NMT1: variants seen among roughly 807,000 people sequenced by gnomAD.
NMT1 encodes the protein glycylpeptide N-tetradecanoyltransferase 1.
NMT1 carries 12 observed loss-of-function variants against 63.4 expected under a neutral mutation model. That is an observed-to-expected ratio of 0.19 (90% CI 0.12 to 0.31). The LOEUF (loss-of-function observed/expected upper bound fraction) is 0.31. Ranked by LOEUF, NMT1 falls within the 10% of genes least tolerant of loss-of-function variation. The pLI, the probability that NMT1 is intolerant of heterozygous loss-of-function variation, is 1.00. For missense variants in NMT1, 432 were observed against 634.6 expected (o/e 0.68, Z 3.43); for synonymous variants, 228 against 234.3 (o/e 0.97, Z 0.25).
chr17:45,078,566 A>C (rs1250078592), intron 1 of NMT1, among the ~76,000 whole-genome samples: 1 of 152,050 alleles, frequency 6.6e-6, no homozygotes, highest in Non-Finnish European at 1.5e-5. Flanking sequence ...GAGACCCTGA[A>C]GTCTTTCTGA....
rs1327777743 is a variant in NMT1, at chr17:45,104,993, G to A, written c.1467G>A (p.Glu489=). The change falls in exon 11 of 12, where the codon GAG becomes GAA. Residue 489 remains glutamate (E), a synonymous_variant. Coordinates refer to ENST00000258960, the MANE Select transcript of NMT1 (RefSeq NM_021079.5). The surrounding 1 kb of genome is among the most constrained non-coding windows in gnomAD (Gnocchi z 4.2). ...YNWKCPSMGA[E]KVGLVLQ ...GGAAATGCCCCAGCATGGGGGCAGA[G>A]AAGGTAGGCGACACATAGCCAGAGT... 6.2e-7 allele frequency: 1 copy of A among 1,614,152 alleles called. No individual in the cohort carries two copies. The highest frequency in any genetic ancestry group is 8.5e-7 in the Non-Finnish European group (1 of 1,180,022).
chr17:45,078,905 C>T (rs879612948), intron 1 of NMT1, among the ~76,000 whole-genome samples: 1 of 151,704 alleles, frequency 6.6e-6, no homozygotes, highest in Non-Finnish European at 1.5e-5. Flanking sequence ...TCAAGTGATC[C>T]GCCTGCCTTT....
chr17:45,096,095 G>T, intron 4 of NMT1, 99 bp from the exon 5 acceptor site: 1 of 905,296 alleles, frequency 1.1e-6, no homozygotes, highest in Non-Finnish European at 1.8e-6. Flanking sequence ...GTTTTTGGTA[G>T]TTTGCTTCAT....
At chr17:45,071,782 A>G (rs2053940749) in intron 1 of NMT1, among the ~76,000 whole-genome samples, 2 of 152,126 alleles carry the variant, frequency 1.3e-5, no homozygotes, top group South Asian at 4.1e-4. Context: ...TACAGTGGCT[A>G]TTCACAAGCG....
At chr17:45,079,084 T>C (rs1419507245) in intron 1 of NMT1, among the ~76,000 whole-genome samples, 1 of 151,784 alleles carries the variant, frequency 6.6e-6, no homozygotes, top group Admixed American at 6.6e-5. Flanking sequence ...ACTTTTCTTT[T>C]TTTCTTTTCT....
At chr17:45,069,207 C>G (rs369150272) in intron 1 of NMT1, among the ~76,000 whole-genome samples, 2 of 149,996 alleles carry the variant, frequency 1.3e-5, no homozygotes, top group African/African-American at 4.9e-5. Flanking sequence ...GATCCATCCT[C>G]CTTGTCCTCC....
chr17:45,076,110 T>C (rs1219442697), intron 1 of NMT1, among the ~76,000 whole-genome samples: 1 of 152,018 alleles, frequency 6.6e-6, no homozygotes, highest in African/African-American at 2.4e-5. Flanking sequence ...CAAAAAATGA[T>C]GCCAGATTCC....
chr17:45,103,967 G>A lies in NMT1; in HGVS notation c.1332+91G>A. The A allele has an allele frequency of 6.2e-7, 1 of 1,600,836 alleles. No individual in the cohort carries two copies. The highest frequency in any genetic ancestry group is 1.1e-5 in the South Asian group (1 of 90,720). ...CAGCTCCCGGGACGCAGCCTCCCATGGGCTGGAGGCTCTGAGCCCTCCTCA... is the reference window on the plus strand; with the variant it reads ...CAGCTCCCGGGACGCAGCCTCCCATAGGCTGGAGGCTCTGAGCCCTCCTCA... On this transcript the variant is annotated intron_variant, in intron 10 of 11. Coordinates refer to ENST00000258960, the MANE Select transcript of NMT1 (RefSeq NM_021079.5). The surrounding 1 kb of genome is among the most constrained non-coding windows in gnomAD (Gnocchi z 4.8).
Position 45,105,337 on chromosome 17 carries a change from G to A in NMT1, c.1471-282G>A, listed in dbSNP as rs1028335426. 1.2e-4 allele frequency among the ~76,000 whole-genome samples: 19 copies of A among 152,306 alleles called. No individual in the cohort carries two copies. Among genetic ancestry groups the A allele is most frequent in the Admixed American group, 1.1e-3 (17 of 15,298 alleles). On this transcript the variant is annotated intron_variant, in intron 11 of 11. Coordinates refer to ENST00000258960, the MANE Select transcript of NMT1 (RefSeq NM_021079.5). This position sits in a 1 kb window ranked among gnomAD's most constrained non-coding sequence, Gnocchi z 4.2. Reference sequence around the variant, plus strand: ...CTGAGGAGGTTTCCTCTCCTGAGCTGCTGCCCTCTTCTGGCATGACACTTT... The same window carrying A: ...CTGAGGAGGTTTCCTCTCCTGAGCTACTGCCCTCTTCTGGCATGACACTTT...
intron 1 of NMT1, among the ~76,000 whole-genome samples, chr17:45,072,880 A>G (rs779441267): frequency 1.5e-4 from 23 of 152,046 alleles, no homozygotes; most frequent in Non-Finnish European, 2.4e-4. Context: ...ATAAAAAAAG[A>G]AAGTTGATAA....
chr17:45,099,773 C>T, intron 8 of NMT1: 2 of 470,380 alleles, frequency 4.3e-6, no homozygotes, highest in Non-Finnish European at 3.9e-6. Context: ...CAGAGAACAC[C>T]TATTCTCTGT....
intron 2 of NMT1, among the ~76,000 whole-genome samples, chr17:45,082,287 T>A (rs1036649660): frequency 1.3e-4 from 20 of 151,290 alleles, no homozygotes; most frequent in Non-Finnish European, 1.8e-4. Context: ...TTTTTTTTTT[T>A]AATTTTTTGT....
chr17:45,097,050 C>A (rs994478045), intron 5 of NMT1, 78 bp from the exon 6 acceptor site: 4 of 1,192,204 alleles, frequency 3.4e-6, no homozygotes, highest in South Asian at 1.2e-5. Context: ...AGGTCCGAAC[C>A]AAATTTGGCT....
chr17:45,094,220 C>T (rs540074768), intron 4 of NMT1, among the ~76,000 whole-genome samples: 10 of 151,990 alleles, frequency 6.6e-5, no homozygotes, highest in African/African-American at 2.4e-4. Flanking sequence ...TGTCGCCGGG[C>T]GTGGTGGCTC....
intron 1 of NMT1, among the ~76,000 whole-genome samples, chr17:45,074,419 C>T (rs2053964606): frequency 6.6e-6 from 1 of 152,044 alleles, no homozygotes; most frequent in African/African-American, 2.4e-5. Flanking sequence ...CGGGGTTTCA[C>T]CATGTTAGCC....
intron 1 of NMT1, among the ~76,000 whole-genome samples, chr17:45,079,104 C>CT (rs1304798144): frequency 5.5e-3 from 783 of 142,468 alleles, no homozygotes; most frequent in Middle Eastern, 0.019. Flanking sequence ...TTTTCTTTTT[C>CT]TTTTTTTTTT....
Position 45,106,956 on chromosome 17 carries a change from G to A in NMT1, c.*1317G>A, listed in dbSNP as rs2054206212. ...GTCGATGTAGGCATTCTGGAGTGGTGTTCAGCCAAGTGACCGGGCAAAATT... is the reference window on the plus strand; with the variant it reads ...GTCGATGTAGGCATTCTGGAGTGGTATTCAGCCAAGTGACCGGGCAAAATT... On this transcript the variant is annotated 3_prime_UTR_variant, in exon 12 of 12. Coordinates refer to ENST00000258960, the MANE Select transcript of NMT1 (RefSeq NM_021079.5). 6.6e-6 allele frequency: 1 copy of A among 152,292 alleles called. No homozygotes were observed. Among genetic ancestry groups the A allele is most frequent in the African/African-American group, 2.4e-5 (1 of 41,460 alleles). 9.4% of individuals were successfully genotyped at this position (152,292 alleles called of 1,614,324 possible).
intron 2 of NMT1, among the ~76,000 whole-genome samples, chr17:45,084,804 A>C (rs2054041520): frequency 6.6e-6 from 1 of 151,778 alleles, no homozygotes; most frequent in Non-Finnish European, 1.5e-5. Flanking sequence ...GTCAGGAGCT[A>C]CTCTCATACA....
At chr17:45,092,808 C>T (rs1197487718) in intron 3 of NMT1, among the ~76,000 whole-genome samples, 1 of 152,114 alleles carries the variant, frequency 6.6e-6, no homozygotes, top group East Asian at 1.9e-4. Context: ...ATACAGAGCC[C>T]TTTGCTAGGA....
Sources: gnomAD v4.1 joint callset for allele counts (sites outside exome capture counted in the v4.1 genomes callset) on GRCh38, gnomAD v4.1.1 for gene constraint, Gnocchi (gnomAD v3.1) non-coding constraint, MANE v1.5 for transcripts, NCBI Gene and HGNC (gene_info 2026-07-23, HGNC 2026-07-21) for gene names.